Variants in RBFOX1 observed in about 807,000 individuals in gnomAD.
The protein encoded by RBFOX1 is RNA binding protein fox-1 homolog 1.
A neutral mutation model predicts 57.7 loss-of-function variants in RBFOX1; 8 were observed. That is an observed-to-expected ratio of 0.14 (90% confidence interval 0.08 to 0.25). RBFOX1 has a LOEUF of 0.25. RBFOX1 is among the 10% of genes least tolerant of loss of function. The pLI, the probability that RBFOX1 is intolerant of heterozygous loss-of-function variation, is 1.00. For synonymous variants in RBFOX1, 326 were observed against 222.4 expected (o/e 1.47, Z -4.15); for missense variants, 611 against 548.5 (o/e 1.11, Z -1.14).
intron 3 of RBFOX1, among the ~76,000 whole-genome samples, chr16:6,736,992 C>A (rs1424069958): frequency 6.6e-6 from 1 of 152,174 alleles, no homozygotes; most frequent in Non-Finnish European, 1.5e-5. Flanking sequence ...CGCCACTTAT[C>A]CCTGACACGG....
At chr16:5,349,823 C>T (rs891780605) in intron 1 of RBFOX1, among the ~76,000 whole-genome samples, 15 of 152,250 alleles carry the variant, frequency 9.9e-5, no homozygotes, top group African/African-American at 3.6e-4. Context: ...TGGCCCACGC[C>T]CTGCTCTGAG....
At chr16:6,706,727 T>C (rs74646726) in intron 3 of RBFOX1, among the ~76,000 whole-genome samples, 1 of 135,160 alleles carries the variant, frequency 7.4e-6, no homozygotes, top group South Asian at 2.4e-4. Context: ...TTTTTTTTTT[T>C]AATAGAGTGT....
chr16:6,953,575 T>A (rs935907170), intron 3 of RBFOX1, among the ~76,000 whole-genome samples: 1 of 152,070 alleles, frequency 6.6e-6, no homozygotes, highest in Non-Finnish European at 1.5e-5. Context: ...TTAGTAGAGA[T>A]GGGGTTTTGC....
intron 3 of RBFOX1, among the ~76,000 whole-genome samples, chr16:6,975,244 C>G (rs1264110530): frequency 1.4e-5 from 2 of 147,302 alleles, no homozygotes; most frequent in Non-Finnish European, 3.0e-5. Context: ...AATACTCAAC[C>G]AAGAAGAAAT....
At chr16:6,129,585 A>G (rs1423127745) in intron 1 of RBFOX1, among the ~76,000 whole-genome samples, 7 of 152,072 alleles carry the variant, frequency 4.6e-5, no homozygotes, top group Non-Finnish European at 2.9e-5. Context: ...GGGAGGAGAG[A>G]GAGAATAGGA....
rs77090124 is a variant in RBFOX1, at chr16:5,960,607, A to G, written c.351+93272A>G. ...AGTGTTAATCAGATTCATGCCGTTC[A>G]CAGAGCAGTCATATCTCCGAAACCT... On this transcript the variant is annotated intron_variant, in intron 4 of 19. Transcript: ENST00000641259. Among the ~76,000 whole-genome samples, 738 of 152,230 alleles carry G rather than the reference A, an allele frequency of 4.8e-3. 13 individuals are homozygous for G. In the East Asian group the frequency reaches 0.08, roughly 17 times the overall value.
chr16:6,445,685 C>T (rs531385121), intron 2 of RBFOX1, among the ~76,000 whole-genome samples: 4 of 150,794 alleles, frequency 2.7e-5, no homozygotes, highest in Non-Finnish European at 5.9e-5. Context: ...TGGGTTCAAG[C>T]GATTCTCCTG....
intron 2 of RBFOX1, among the ~76,000 whole-genome samples, chr16:6,629,249 A>T (rs1476622092): frequency 6.6e-6 from 1 of 152,186 alleles, no homozygotes; most frequent in Non-Finnish European, 1.5e-5. Context: ...GGAAAAGGTA[A>T]CCTCATCCCA....
At chr16:6,807,471 G>A (rs575083362) in intron 3 of RBFOX1, among the ~76,000 whole-genome samples, 2 of 152,130 alleles carry the variant, frequency 1.3e-5, no homozygotes, top group Non-Finnish European at 2.9e-5. Flanking sequence ...CACAGGGCTG[G>A]GGTCCTGAGT....
At chr16:6,079,075 G>A (rs1289160894) in intron 1 of RBFOX1, among the ~76,000 whole-genome samples, 1 of 152,168 alleles carries the variant, frequency 6.6e-6, no homozygotes, top group Non-Finnish European at 1.5e-5. Flanking sequence ...TTGGGAGGCT[G>A]AGGCAGGCAG....
intron 3 of RBFOX1, among the ~76,000 whole-genome samples, chr16:6,820,399 A>G (rs945241108): frequency 4.6e-5 from 7 of 152,328 alleles, no homozygotes; most frequent in East Asian, 1.9e-4. Context: ...AGTGGCTCCT[A>G]TAATCCCAGC....
intron 2 of RBFOX1, among the ~76,000 whole-genome samples, chr16:6,567,983 G>C (rs1319060885): frequency 6.6e-6 from 1 of 152,064 alleles, no homozygotes; most frequent in Non-Finnish European, 1.5e-5. Flanking sequence ...ACCATGCCAG[G>C]CTAATTATTT....
intron 4 of RBFOX1, among the ~76,000 whole-genome samples, chr16:5,908,291 C>CATAT (rs113093123): frequency 7.1e-6 from 1 of 141,650 alleles, no homozygotes; most frequent in African/African-American, 2.7e-5. Context: ...TATATATACA[C>CATAT]ATATATATAT....
chr16:6,614,067 A>C (rs373646533), intron 2 of RBFOX1, among the ~76,000 whole-genome samples: 9 of 152,336 alleles, frequency 5.9e-5, no homozygotes, highest in African/African-American at 2.2e-4. Context: ...TCTACATTGT[A>C]AGTTGCTTTA....
intron 3 of RBFOX1, among the ~76,000 whole-genome samples, chr16:6,843,966 G>A (rs959139326): frequency 8.6e-5 from 13 of 152,044 alleles, no homozygotes; most frequent in African/African-American, 1.9e-4. Flanking sequence ...TGCTTGGATC[G>A]TAATGTGTAC....
At chr16:7,641,229 T>C (rs1396365755) in intron 11 of RBFOX1, among the ~76,000 whole-genome samples, 1 of 152,182 alleles carries the variant, frequency 6.6e-6, no homozygotes, top group East Asian at 1.9e-4. Flanking sequence ...TGCTGCTTCT[T>C]CCCTTGCCTT....
intron 4 of RBFOX1, among the ~76,000 whole-genome samples, chr16:5,950,384 C>G (rs1032016410): frequency 6.6e-6 from 1 of 152,202 alleles, no homozygotes; most frequent in African/African-American, 2.4e-5. Flanking sequence ...TTAGCACCCA[C>G]TTATGATACT....
At chr16:7,570,867 T>C (rs1432132306) in intron 5 of RBFOX1, among the ~76,000 whole-genome samples, 2 of 152,026 alleles carry the variant, frequency 1.3e-5, no homozygotes, top group East Asian at 3.9e-4. Flanking sequence ...TTAAAGAAAA[T>C]GTGGTACATA....
chr16:6,862,749 C>G (rs1052965987), intron 3 of RBFOX1, among the ~76,000 whole-genome samples: 14 of 152,098 alleles, frequency 9.2e-5, no homozygotes, highest in Non-Finnish European at 1.8e-4. Context: ...CTTTGTAAGG[C>G]CGAGGCTGGT....
Sources: gnomAD v4.1 joint callset for allele counts (sites outside exome capture counted in the v4.1 genomes callset) on GRCh38, gnomAD v4.1.1 for gene constraint, MANE v1.5 for transcripts, NCBI Gene and HGNC (gene_info 2026-07-23, HGNC 2026-07-21) for gene names.